Variants in PPP1R12B observed in about 807,000 individuals in gnomAD.
The protein encoded by PPP1R12B is protein phosphatase 1 regulatory subunit 12B, also known as myosin phosphatase target subunit 2.
Under a neutral mutation model 126.1 loss-of-function variants are expected in PPP1R12B, and 76 were observed. The observed-to-expected ratio is 0.60, with a 90% CI of 0.50 to 0.73. The LOEUF (loss-of-function observed/expected upper bound fraction) is 0.73, where lower values mean the gene tolerates loss of function less well. Among genes scored for constraint, PPP1R12B ranks in the 30% least tolerant of loss-of-function variants. PPP1R12B has a pLI of 0.00. For missense variants in PPP1R12B, 1,052 were observed against 1,205.1 expected, an observed-to-expected ratio of 0.87 and a Z score of 1.88; for synonymous variants, 356 against 434.7, an observed-to-expected ratio of 0.82 and a Z score of 2.25.
chr1:202,487,142 A>T (rs1009508886), intron 13 of PPP1R12B, among the ~76,000 whole-genome samples: 39 of 152,200 alleles, frequency 2.6e-4, no homozygotes, highest in Non-Finnish European at 4.3e-4. Flanking sequence ...TCATTCAAAA[A>T]TTATTCAGTG....
intron 13 of PPP1R12B, among the ~76,000 whole-genome samples, chr1:202,464,812 G>A (rs1674773716): frequency 6.6e-6 from 1 of 152,180 alleles, no homozygotes; most frequent in South Asian, 2.1e-4. Flanking sequence ...ATAAAAAAGG[G>A]ACATGCCCAA....
intron 1 of PPP1R12B, among the ~76,000 whole-genome samples, chr1:202,371,566 T>C (rs1301116254): frequency 6.6e-6 from 1 of 152,092 alleles, no homozygotes; most frequent in Non-Finnish European, 1.5e-5. Context: ...GTAGGCATTC[T>C]TGATGTTTTC....
At chr1:202,357,176 A>G (rs1218915377) in intron 1 of PPP1R12B, among the ~76,000 whole-genome samples, 1 of 152,174 alleles carries the variant, frequency 6.6e-6, no homozygotes, top group Admixed American at 6.6e-5. Flanking sequence ...CTATGATAAT[A>G]AATTTGTGTT....
chr1:202,411,251 A>G (rs570637816), intron 1 of PPP1R12B, among the ~76,000 whole-genome samples: 52 of 148,582 alleles, frequency 3.5e-4, no homozygotes, highest in African/African-American at 1.2e-3. Flanking sequence ...TGCTTTAGTC[A>G]TATTCCTTCT....
At chr1:202,567,380 CTT>C (rs35011066) in intron 21 of PPP1R12B, 36 of 147,866 alleles carry the variant, frequency 2.4e-4, no homozygotes, top group Non-Finnish European at 3.5e-4. Context: ...AAAGAAAAGC[CTT>C]TTTTTTTTTT....
chr1:202,564,380 C>A, intron 20 of PPP1R12B, 63 bp from the exon 21 acceptor site: 1 of 1,245,902 alleles, frequency 8.0e-7, no homozygotes, highest in Non-Finnish European at 1.2e-6. Flanking sequence ...TGGGCATTCT[C>A]ATGTGATGAA....
chr1:202,409,923 A>T (rs1197808930), intron 1 of PPP1R12B, among the ~76,000 whole-genome samples: 3 of 152,106 alleles, frequency 2.0e-5, no homozygotes, highest in Non-Finnish European at 4.4e-5. Context: ...TCATATGCTT[A>T]TTGGCCATTT....
At position 202,588,823 on chromosome 1, in the gene PPP1R12B, T is replaced by TAAGA. The variant is rs1689974388; in HGVS notation, c.*8264_*8267dup. 1 of 87,876 alleles carries TAAGA rather than the reference T, an allele frequency of 1.1e-5. No individual in the cohort carries two copies. The highest frequency in any genetic ancestry group is 3.6e-4 in the South Asian group (1 of 2,766). The allele number at this position is 87,876 out of a possible 1,614,324, so 5.4% of individuals were successfully genotyped here. On this transcript the variant is annotated 3_prime_UTR_variant, in exon 24 of 24. Transcript: ENST00000608999. ...CCTAGATTGGCGTTCAAAAGAACCG[T>TAAGA]AAGATAGATAGATAGATAGATAGAT...
intron 12 of PPP1R12B, chr1:202,444,928 C>T (rs764635755): frequency 5.3e-5 from 45 of 855,930 alleles, no homozygotes; most frequent in Non-Finnish European, 7.0e-5. Flanking sequence ...TCCCAGTTGT[C>T]ATACCCTTTC....
intron 1 of PPP1R12B, 71 bp downstream of exon 1, chr1:202,349,213 A>C (rs1403362596): frequency 4.5e-6 from 7 of 1,560,534 alleles, no homozygotes; most frequent in Non-Finnish European, 6.1e-6. Flanking sequence ...GAGCCACCCC[A>C]TGGGGAGTAT....
In PPP1R12B at chr1:202,536,130, T is replaced by G. The variant is rs140363891; in HGVS notation, c.2491-22747T>G. On this transcript the variant is annotated intron_variant, in intron 18 of 23. Coordinates refer to ENST00000608999, the MANE Select transcript of PPP1R12B (RefSeq NM_002481.4). ...GACACTTAACCTTTCAGAACTTCAC[T>G]TTCTTCATCTGTAAGATAGTAATAT... Among the ~76,000 whole-genome samples the G allele has an allele frequency of 7.0e-3, 1,066 of 152,334 alleles. 13 individuals carry two copies. Among genetic ancestry groups the G allele is most frequent in the African/African-American group, 0.025 (1,027 of 41,564 alleles).
At chr1:202,435,521 G>A (rs541751001) in intron 9 of PPP1R12B, among the ~76,000 whole-genome samples, 92 of 152,284 alleles carry the variant, frequency 6.0e-4, no homozygotes, top group African/African-American at 2.0e-3. Flanking sequence ...GATGAGTAAA[G>A]GGCAGAGGTA....
intron 1 of PPP1R12B, among the ~76,000 whole-genome samples, chr1:202,402,788 C>T (rs1666036403): frequency 6.6e-6 from 1 of 152,182 alleles, no homozygotes; most frequent in African/African-American, 2.4e-5. Flanking sequence ...CATATACAGA[C>T]ATTTGTCAAA....
intron 13 of PPP1R12B, chr1:202,471,962 C>T (rs1157781415): frequency 1.4e-5 from 23 of 1,596,776 alleles, no homozygotes; most frequent in South Asian, 1.3e-4. Flanking sequence ...ACAAAACTAC[C>T]GTTTGTGCAT....
rs549368697 is a variant in PPP1R12B at position 202,451,781 on chromosome 1, C to T, written c.1850+2610C>T. ...GGTGCCCCCGACCTCCCGGACGGGG[C>T]GGCTGGCAGGGTGGGGGCTGACCCC... On this transcript the variant is annotated intron_variant, in intron 13 of 23. Transcript: ENST00000608999. 6.6e-3 allele frequency among the ~76,000 whole-genome samples: 986 copies of T among 148,710 alleles called. 13 individuals carry two copies. Among genetic ancestry groups the T allele is most frequent in the Non-Finnish European group, 0.01 (681 of 67,350 alleles).
At chr1:202,399,648 C>T (rs1571828917) in intron 1 of PPP1R12B, among the ~76,000 whole-genome samples, 3 of 151,992 alleles carry the variant, frequency 2.0e-5, no homozygotes, top group Non-Finnish European at 2.9e-5. Flanking sequence ...AGGTACCCAC[C>T]GCCATGCTTG....
chr1:202,493,096 C>T lies in PPP1R12B; in HGVS notation c.1942-18C>T. The T allele has an allele frequency of 1.2e-6, 2 of 1,607,376 alleles. No homozygotes were observed. Among genetic ancestry groups the T allele is most frequent in the Non-Finnish European group, 1.7e-6 (2 of 1,175,738 alleles). On this transcript the variant is annotated intron_variant, in intron 14 of 23. Transcript: ENST00000608999. The stretch of plus-strand genomic sequence containing the variant: ...ATGGTTAGTGTGAAACAGCCCTGAT[C>T]TTGTGATATTTTCCCAGGGTGTCAC...
chr1:202,570,628 G>A (rs1003581342), intron 23 of PPP1R12B, among the ~76,000 whole-genome samples: 8 of 152,018 alleles, frequency 5.3e-5, no homozygotes, highest in Non-Finnish European at 1.0e-4. Context: ...TTTTTCAAAC[G>A]CACCTTACTA....
At position 202,348,706 on chromosome 1, in the gene PPP1R12B, C is replaced by G. The variant is rs1655359367; in HGVS notation, c.-146C>G. On this transcript the variant is annotated 5_prime_UTR_variant, in exon 1 of 24. Transcript: ENST00000608999. ...CCGAGGGAGCGTGCGGGCGGTACTA[C>G]TGGCGGGAGGAGTAAAGATGGCGGC... The G allele has an allele frequency of 4.8e-6, 5 of 1,048,186 alleles. No individual in the cohort carries two copies. The South Asian group carries it at 6.8e-5, about 14-fold the overall frequency. 64.9% of individuals were successfully genotyped at this position (1,048,186 alleles called of 1,614,324 possible). A position where few individuals can be genotyped will look rare whatever the true frequency, so the allele number is the denominator to read the frequency against.
Sources: allele counts gnomAD v4.1 joint callset (sites outside exome capture counted in the v4.1 genomes callset), GRCh38; gene constraint gnomAD v4.1.1; transcripts MANE v1.5; gene names NCBI Gene and HGNC (gene_info 2026-07-23, HGNC 2026-07-21).